Variants in CSMD1 observed in about 807,000 individuals in gnomAD.
CSMD1 encodes CUB and sushi domain-containing protein 1.
Under a neutral mutation model 417.5 loss-of-function variants are expected in CSMD1, and 213 were observed. That is an observed-to-expected ratio of 0.51 (90% confidence interval 0.46 to 0.57). The LOEUF (loss-of-function observed/expected upper bound fraction) is 0.57. CSMD1 is among the 20% of genes least tolerant of loss of function. CSMD1 has a pLI of 0.00. For synonymous variants in CSMD1, 2,862 were observed against 1,736.8 expected (o/e 1.65, Z -16.11); for missense variants, 6,923 against 4,529.7 (o/e 1.53, Z -15.17).
intron 31 of CSMD1, among the ~76,000 whole-genome samples, chr8:3,204,596 C>G (rs548251160): frequency 6.6e-6 from 1 of 152,222 alleles, no homozygotes; most frequent in Admixed American, 6.5e-5. Context: ...GGAATCATGA[C>G]ACAATAGAAG....
chr8:3,671,215 G>C (rs1189672975), intron 7 of CSMD1, among the ~76,000 whole-genome samples: 1 of 146,324 alleles, frequency 6.8e-6, no homozygotes, highest in African/African-American at 2.5e-5. Context: ...CTATGTATAG[G>C]GGATGTATGT....
In CSMD1 at chr8:3,918,365, T is replaced by G. The variant is rs1808976964; in HGVS notation, c.818+79538A>C. ...CTCCCCACGTCCGCATCAACACATA[T>G]ATTTTTATATAATGGCCATCTTAAC... is the stretch of plus-strand genomic sequence containing the variant. On this transcript the variant is annotated intron_variant, in intron 5 of 69. Coordinates refer to ENST00000635120, the MANE Select transcript of CSMD1 (RefSeq NM_033225.6). 2.0e-5 allele frequency among the ~76,000 whole-genome samples: 3 copies of G among 152,080 alleles called. No homozygotes were observed. The South Asian group carries it at 6.2e-4, about 32-fold the overall frequency.
intron 1 of CSMD1, among the ~76,000 whole-genome samples, chr8:4,773,748 C>A (rs1047985875): frequency 6.6e-6 from 1 of 152,118 alleles, no homozygotes; most frequent in African/African-American, 2.4e-5. Context: ...CCCTTAAATA[C>A]TGATATAATC....
At chr8:4,247,921 G>A (rs1013580515) in intron 3 of CSMD1, among the ~76,000 whole-genome samples, 2 of 152,142 alleles carry the variant, frequency 1.3e-5, no homozygotes, top group Non-Finnish European at 2.9e-5. Flanking sequence ...TTAATGTGAT[G>A]TAGGTACATT....
At chr8:3,991,009 C>T (rs1174932852) in intron 5 of CSMD1, among the ~76,000 whole-genome samples, 1 of 152,282 alleles carries the variant, frequency 6.6e-6, no homozygotes, top group East Asian at 1.9e-4. Context: ...CTGACAAAAA[C>T]CTCTAAAACA....
intron 8 of CSMD1, among the ~76,000 whole-genome samples, chr8:3,602,799 T>A (rs1801426167): frequency 1.3e-5 from 2 of 151,950 alleles, no homozygotes; most frequent in African/African-American, 4.8e-5. Context: ...ATTCAAATAG[T>A]CCCCGAGATG....
In CSMD1 at chr8:4,461,418, A is replaced by C. The variant is rs1427862447; in HGVS notation, c.303-41353T>G. 3.3e-5 allele frequency among the ~76,000 whole-genome samples: 5 copies of C among 152,046 alleles called. 1 individual carries two copies. In the East Asian group the frequency reaches 5.8e-4, roughly 18 times the overall value. ...GATAGGTAAAGAAGATAAAAATATA[A>C]CTATTTACAAATCACATGATCTAGT... On this transcript the variant is annotated intron_variant, in intron 2 of 69. Coordinates refer to ENST00000635120, the MANE Select transcript of CSMD1 (RefSeq NM_033225.6).
chr8:4,007,838 T>G (rs961305272), intron 4 of CSMD1, among the ~76,000 whole-genome samples: 4 of 152,138 alleles, frequency 2.6e-5, no homozygotes, highest in African/African-American at 9.7e-5. Flanking sequence ...ATATCCTCTC[T>G]AAGAATAGAA....
At chr8:3,431,385 G>A (rs1459715903) in intron 12 of CSMD1, among the ~76,000 whole-genome samples, 3 of 152,130 alleles carry the variant, frequency 2.0e-5, no homozygotes, top group Non-Finnish European at 4.4e-5. Flanking sequence ...CCACTAGGCA[G>A]TTGCTTTAGT....
intron 1 of CSMD1, among the ~76,000 whole-genome samples, chr8:4,903,280 A>T (rs1281237027): frequency 2.0e-5 from 3 of 152,212 alleles, no homozygotes; most frequent in African/African-American, 7.2e-5. Context: ...AGTGAATTAC[A>T]GCTGACCTTT....
chr8:3,414,013 C>T (rs375366575), intron 12 of CSMD1, among the ~76,000 whole-genome samples: 2 of 151,614 alleles, frequency 1.3e-5, no homozygotes, highest in East Asian at 1.9e-4. Context: ...GTGGTGCACG[C>T]CTGGAATCCC....
chr8:4,012,205 A>G (rs1057081199), intron 4 of CSMD1, among the ~76,000 whole-genome samples: 2 of 152,042 alleles, frequency 1.3e-5, no homozygotes, highest in African/African-American at 2.4e-5. Flanking sequence ...ATATGATTCT[A>G]TGCCGTTTTA....
chr8:4,576,363 G>A (rs904810513), intron 2 of CSMD1, among the ~76,000 whole-genome samples: 2 of 152,200 alleles, frequency 1.3e-5, no homozygotes, highest in African/African-American at 4.8e-5. Context: ...GGGAGAGTCA[G>A]AGGCATTTGG....
intron 23 of CSMD1, among the ~76,000 whole-genome samples, chr8:3,335,534 G>T (rs1389901375): frequency 1.3e-5 from 2 of 152,052 alleles, no homozygotes; most frequent in African/African-American, 4.8e-5. Context: ...AAAATTAGCC[G>T]GGTGTGGTGT....
chr8:4,303,422 GTTTTTTTTTTTTTTTTT>G (rs71511194), intron 3 of CSMD1, among the ~76,000 whole-genome samples: 7 of 85,248 alleles, frequency 8.2e-5, no homozygotes, highest in Non-Finnish European at 1.3e-4. Context: ...GCAGGAAGCT[GTTTTTTTTTTTTTTTTT>G]TTTTTTTTTT....
At chr8:4,054,288 GC>G (rs1340213904) in intron 3 of CSMD1, among the ~76,000 whole-genome samples, 2 of 37,670 alleles carry the variant, frequency 5.3e-5, no homozygotes, top group African/African-American at 8.2e-5. Flanking sequence ...TGAAGATGTG[GC>G]TTCCACTTCA....
chr8:3,820,991 A>G (rs151034418), intron 5 of CSMD1, among the ~76,000 whole-genome samples: 3,307 of 152,066 alleles, frequency 0.022, 46 homozygotes, highest in African/African-American at 0.037. Flanking sequence ...AACTCGGTTC[A>G]CTGCAACCTC....
chr8:3,373,295 A>G (rs972030269), intron 18 of CSMD1: 1 of 152,150 alleles, frequency 6.6e-6, no homozygotes, highest in Admixed American at 6.6e-5. Context: ...TTCCCTCCAT[A>G]CCACACACAG....
At position 3,784,756 on chromosome 8, in the gene CSMD1, A is replaced by G. The variant is rs372535929; in HGVS notation, c.819-30714T>C. On this transcript the variant is annotated intron_variant, in intron 5 of 69. Transcript: ENST00000635120. ...AGACACCAATGCATGACTAAGTAAA[A>G]TAAGATACAATTAGCAATTCCACTC... is the stretch of plus-strand genomic sequence containing the variant. Among the ~76,000 whole-genome samples the G allele has an allele frequency of 1.0e-3, 158 of 152,328 alleles. 2 individuals carry two copies. In the South Asian group the frequency reaches 0.012, roughly 12 times the overall value.
Sources: allele counts gnomAD v4.1 joint callset (sites outside exome capture counted in the v4.1 genomes callset), GRCh38; gene constraint gnomAD v4.1.1; transcripts MANE v1.5; gene names NCBI Gene and HGNC (gene_info 2026-07-23, HGNC 2026-07-21).